Variants in FARS2 observed in about 807,000 individuals in gnomAD.
FARS2 encodes phenylalanine--tRNA ligase, mitochondrial.
In FARS2, 40 loss-of-function variants were observed where a neutral mutation model predicts 46.4. That is an observed-to-expected ratio of 0.86 (90% CI 0.67 to 1.12). The LOEUF (loss-of-function observed/expected upper bound fraction) is 1.12. Ranked by LOEUF, FARS2 falls within the 50% of genes most tolerant of loss-of-function variation. The probability of loss-of-function intolerance (pLI) is 0.00; values close to 1 mark genes in which losing one functional copy is unlikely to be tolerated. For missense variants in FARS2, 513 were observed against 567.9 expected, an observed-to-expected ratio of 0.90 and a Z score of 0.98; for synonymous variants, 234 against 214.9, an observed-to-expected ratio of 1.09 and a Z score of -0.78.
At chr6:5,280,287 A>G (rs142011931) in intron 1 of FARS2, among the ~76,000 whole-genome samples, 114 of 152,360 alleles carry the variant, frequency 7.5e-4, no homozygotes, top group African/African-American at 2.6e-3. Flanking sequence ...GTTAAAATTC[A>G]CAGTAATTCA....
At chr6:5,251,934 T>G in the FARS2 span, among the ~76,000 whole-genome samples, 1 of 152,198 alleles carries the variant, frequency 6.6e-6, no homozygotes, top group Admixed American at 6.5e-5. Flanking sequence ...ACTGGTAATA[T>G]ATTAAAGAGT....
intron 6 of FARS2, among the ~76,000 whole-genome samples, chr6:5,686,938 T>A (rs1757277360): frequency 6.6e-6 from 1 of 152,258 alleles, no homozygotes; most frequent in South Asian, 2.1e-4. Flanking sequence ...TGATTTGCAT[T>A]TCTCTGATGG....
chr6:5,733,912 C>T (rs73364230), intron 6 of FARS2, among the ~76,000 whole-genome samples: 1 of 152,136 alleles, frequency 6.6e-6, no homozygotes, highest in Non-Finnish European at 1.5e-5. Flanking sequence ...ATTGGAATAG[C>T]CTTGCTATTG....
At chr6:5,709,840 C>T (rs1477846385) in intron 6 of FARS2, among the ~76,000 whole-genome samples, 2 of 152,102 alleles carry the variant, frequency 1.3e-5, no homozygotes, top group Non-Finnish European at 2.9e-5. Flanking sequence ...CCCTATTCTC[C>T]ACCTTCCACC....
At chr6:5,478,236 C>G (rs548340778) in intron 4 of FARS2, among the ~76,000 whole-genome samples, 1 of 152,272 alleles carries the variant, frequency 6.6e-6, no homozygotes, top group Admixed American at 6.5e-5. Context: ...ATTAGCCTAA[C>G]CTGTGACCAG....
intron 6 of FARS2, among the ~76,000 whole-genome samples, chr6:5,767,808 T>C (rs1425973748): frequency 6.6e-6 from 1 of 152,150 alleles, no homozygotes; most frequent in Non-Finnish European, 1.5e-5. Context: ...TGAGAGACAG[T>C]GTAGGTCATG....
intron 6 of FARS2, among the ~76,000 whole-genome samples, chr6:5,714,511 A>G (rs1156543781): frequency 6.6e-6 from 1 of 152,166 alleles, no homozygotes; most frequent in Admixed American, 6.5e-5. Flanking sequence ...ATTTTCTTCT[A>G]TAGCCTAAAA....
intron 5 of FARS2, among the ~76,000 whole-genome samples, chr6:5,577,773 TTTTATTTA>T (rs138808872): frequency 3.3e-5 from 5 of 150,596 alleles, no homozygotes; most frequent in African/African-American, 9.8e-5. Flanking sequence ...CCATTGTATC[TTTTATTTA>T]TTTATTTATT....
intron 6 of FARS2, among the ~76,000 whole-genome samples, chr6:5,638,243 A>G (rs1451280174): frequency 1.3e-5 from 2 of 152,232 alleles, no homozygotes; most frequent in Non-Finnish European, 2.9e-5. Flanking sequence ...GCTTGCAGAG[A>G]GAATATACAA....
At chr6:5,756,343 A>G (rs971278653) in intron 6 of FARS2, among the ~76,000 whole-genome samples, 2 of 152,214 alleles carry the variant, frequency 1.3e-5, no homozygotes, top group Non-Finnish European at 2.9e-5. Context: ...TCACACTGCT[A>G]TGAAGAACAA....
chr6:5,427,932 GGTAA>G (rs1582074843), intron 3 of FARS2, among the ~76,000 whole-genome samples: 3 of 152,234 alleles, frequency 2.0e-5, no homozygotes, highest in Admixed American at 6.5e-5. Flanking sequence ...TTATAGAAGT[GGTAA>G]ACCAAAAGCC....
chr6:5,546,539 T>G (rs553569615), intron 5 of FARS2, among the ~76,000 whole-genome samples: 1 of 151,904 alleles, frequency 6.6e-6, no homozygotes. Context: ...AGTGAGCCAC[T>G]GCGCCCAGCC....
At position 5,455,058 on chromosome 6, in the gene FARS2, G is replaced by A. The variant is rs542186796; in HGVS notation, c.904+23886G>A. On this transcript the variant is annotated intron_variant, in intron 4 of 6. Coordinates refer to ENST00000274680, the MANE Select transcript of FARS2 (RefSeq NM_006567.5). Reference sequence around the variant, plus strand: ...ACAAGGACCTTGTTGGTCATAGACTGCTGACCCACCAGCATCTAGCACGAT... The same window carrying A: ...ACAAGGACCTTGTTGGTCATAGACTACTGACCCACCAGCATCTAGCACGAT... Among the ~76,000 whole-genome samples the A allele has an allele frequency of 2.7e-4, 41 of 152,300 alleles. No individual in the cohort carries two copies. The Middle Eastern group carries it at 0.01, about 38-fold the overall frequency.
At chr6:5,762,412 A>G (rs568711268) in intron 6 of FARS2, among the ~76,000 whole-genome samples, 171 of 152,252 alleles carry the variant, frequency 1.1e-3, no homozygotes, top group African/African-American at 4.0e-3. Flanking sequence ...AGTCCATTAG[A>G]TTTCCCCGGA....
At chr6:5,522,011 C>T (rs911112199) in intron 4 of FARS2, among the ~76,000 whole-genome samples, 4 of 152,130 alleles carry the variant, frequency 2.6e-5, no homozygotes, top group African/African-American at 9.7e-5. Flanking sequence ...TTTGGTGACT[C>T]CAGATTCCTC....
At chr6:5,648,401 T>G (rs1393646696) in intron 6 of FARS2, among the ~76,000 whole-genome samples, 1 of 152,156 alleles carries the variant, frequency 6.6e-6, no homozygotes, top group Non-Finnish European at 1.5e-5. Context: ...CAACTCCCCT[T>G]GGTCAGCTTG....
intron 3 of FARS2, among the ~76,000 whole-genome samples, chr6:5,417,265 GGA>G (rs1762291579): frequency 6.6e-6 from 1 of 152,124 alleles, no homozygotes; most frequent in South Asian, 2.1e-4. Flanking sequence ...CACTTAGGCT[GGA>G]GTGCAATGGC....
At chr6:5,575,286 G>A (rs1772896678) in intron 5 of FARS2, among the ~76,000 whole-genome samples, 1 of 152,200 alleles carries the variant, frequency 6.6e-6, no homozygotes. Flanking sequence ...GAACATGTGT[G>A]TTCTGTTTCT....
At chr6:5,758,603 T>C (rs920402741) in intron 6 of FARS2, among the ~76,000 whole-genome samples, 2 of 152,190 alleles carry the variant, frequency 1.3e-5, no homozygotes, top group Admixed American at 1.3e-4. Context: ...TGTGCTTGTC[T>C]TGCTGCCTTT....
Sources: gnomAD v4.1 joint callset for allele counts (sites outside exome capture counted in the v4.1 genomes callset) on GRCh38, gnomAD v4.1.1 for gene constraint, MANE v1.5 for transcripts, NCBI Gene and HGNC (gene_info 2026-07-23, HGNC 2026-07-21) for gene names.